Variants in MYOCD observed in about 807,000 individuals in gnomAD.
MYOCD encodes myocardin.
MYOCD carries 32 observed loss-of-function variants against 96.1 expected under a neutral mutation model. The observed-to-expected ratio is 0.33, with a 90% confidence interval of 0.25 to 0.45. The LOEUF (loss-of-function observed/expected upper bound fraction) is 0.45. MYOCD is among the 20% of genes least tolerant of loss of function. The pLI is 1.00. For missense variants in MYOCD, 1,133 were observed against 1,200.6 expected, an observed-to-expected ratio of 0.94 and a Z score of 0.83; for synonymous variants, 469 against 469.0, an observed-to-expected ratio of 1.00 and a Z score of 0.00.
chr17:12,733,860 C>T (rs944326768), intron 5 of MYOCD, among the ~76,000 whole-genome samples: 47 of 130,060 alleles, frequency 3.6e-4, no homozygotes, highest in African/African-American at 1.4e-3. Context: ...AGCAAGACTC[C>T]GTCTCAAAAA....
At chr17:12,736,644 CAGTG>C (rs1303008408) in intron 6 of MYOCD, among the ~76,000 whole-genome samples, 2 of 152,180 alleles carry the variant, frequency 1.3e-5, no homozygotes, top group Non-Finnish European at 2.9e-5. Context: ...AGCTAAGACT[CAGTG>C]AGATTGGATG....
chr17:12,760,527 A>G, intron 12 of MYOCD, 123 bp from the exon 13 acceptor site: 1 of 759,322 alleles, frequency 1.3e-6, no homozygotes, highest in Non-Finnish European at 2.3e-6. Flanking sequence ...ATTTTGCCAC[A>G]ATTGGAAAAA....
intron 4 of MYOCD, among the ~76,000 whole-genome samples, chr17:12,719,001 C>T (rs1287592466): frequency 2.6e-5 from 4 of 151,594 alleles, no homozygotes; most frequent in Admixed American, 6.6e-5. Context: ...CCGTGAAACC[C>T]CATCTCTACT....
chr17:12,739,726 G>A (rs1007221832), intron 7 of MYOCD, among the ~76,000 whole-genome samples: 3 of 152,174 alleles, frequency 2.0e-5, no homozygotes, highest in Non-Finnish European at 4.4e-5. Context: ...CTTGCATAAC[G>A]TAAAACTTAC....
At chr17:12,669,719 C>T (rs1014017927) in intron 1 of MYOCD, among the ~76,000 whole-genome samples, 8 of 151,956 alleles carry the variant, frequency 5.3e-5, no homozygotes, top group African/African-American at 1.2e-4. Flanking sequence ...CTGGGGTTCA[C>T]GCCATTCTCC....
intron 5 of MYOCD, among the ~76,000 whole-genome samples, chr17:12,733,510 T>C (rs185318954): frequency 6.6e-6 from 1 of 152,296 alleles, no homozygotes; most frequent in Admixed American, 6.5e-5. Flanking sequence ...GCTGATACTG[T>C]GGTCCTAGTT....
At chr17:12,676,245 G>GCACACACA (rs36211306) in intron 1 of MYOCD, among the ~76,000 whole-genome samples, 59 of 145,672 alleles carry the variant, frequency 4.1e-4, no homozygotes, top group African/African-American at 1.5e-3. Flanking sequence ...GCGCGCGCAC[G>GCACACACA]CACACACACA....
intron 1 of MYOCD, among the ~76,000 whole-genome samples, chr17:12,698,803 C>T (rs528860007): frequency 7.3e-4 from 85 of 116,616 alleles, no homozygotes; most frequent in Non-Finnish European, 9.0e-4. Flanking sequence ...AGTGCAGTGG[C>T]GTGATCTCAG....
chr17:12,689,358 T>C (rs2030325690), intron 1 of MYOCD, among the ~76,000 whole-genome samples: 1 of 152,186 alleles, frequency 6.6e-6, no homozygotes, highest in Non-Finnish European at 1.5e-5. Context: ...TCCCACACCC[T>C]ATAAAGTATA....
At chr17:12,735,057 G>A (rs1383862039) in intron 5 of MYOCD, among the ~76,000 whole-genome samples, 1 of 152,142 alleles carries the variant, frequency 6.6e-6, no homozygotes, top group Non-Finnish European at 1.5e-5. Context: ...TGCCAGCAGT[G>A]GTGGCGATGA....
chr17:12,766,897 A>G lies in MYOCD; in HGVS notation c.*3253A>G, dbSNP rs1224053380. 6.6e-6 allele frequency: 1 copy of G among 151,992 alleles called. No individual in the cohort carries two copies. Among genetic ancestry groups the G allele is most frequent in the Non-Finnish European group, 1.5e-5 (1 of 68,012 alleles). The allele number at this position is 151,992 out of a possible 1,614,324, so 9.4% of individuals were successfully genotyped here. A position where few individuals can be genotyped will look rare whatever the true frequency, so the allele number is the denominator to read the frequency against. ...AGGAAGCCAGTGCTTATTAGTAGTG[A>G]CCCTGCTTCTATCAACGTTATTGAG... On this transcript the variant is annotated 3_prime_UTR_variant, in exon 14 of 14. Transcript: ENST00000425538.
intron 1 of MYOCD, among the ~76,000 whole-genome samples, chr17:12,674,032 G>C (rs1909869180): frequency 6.6e-6 from 1 of 152,186 alleles, no homozygotes; most frequent in Non-Finnish European, 1.5e-5. Flanking sequence ...TCATCAAAAG[G>C]GAAGAGAAGA....
chr17:12,696,169 G>A (rs1234331155), intron 1 of MYOCD, among the ~76,000 whole-genome samples: 4 of 151,844 alleles, frequency 2.6e-5, no homozygotes, highest in Admixed American at 6.6e-5. Context: ...TAGTAGAGAC[G>A]GGGTTTCACC....
chr17:12,700,477 G>A (rs190952432), intron 1 of MYOCD, among the ~76,000 whole-genome samples: 79 of 136,960 alleles, frequency 5.8e-4, no homozygotes, highest in African/African-American at 2.1e-3. Context: ...GCAGTGGCGC[G>A]ATCTCAGCTT....
At chr17:12,724,294 A>G (rs142657914) in intron 5 of MYOCD, among the ~76,000 whole-genome samples, 1 of 152,310 alleles carries the variant, frequency 6.6e-6, no homozygotes, top group East Asian at 1.9e-4. Context: ...CATGATAGGA[A>G]AAAGGTCTCC....
At chr17:12,727,085 G>T (rs905933541) in intron 5 of MYOCD, among the ~76,000 whole-genome samples, 2 of 152,260 alleles carry the variant, frequency 1.3e-5, no homozygotes, top group East Asian at 3.9e-4. Flanking sequence ...TAGTTGCGGG[G>T]AATTAGGATG....
chr17:12,697,355 A>T (rs1458757526), intron 1 of MYOCD, among the ~76,000 whole-genome samples: 88 of 86,010 alleles, frequency 1.0e-3, no homozygotes, highest in African/African-American at 5.1e-3. Flanking sequence ...ATATATATAT[A>T]TATATTTTTT....
At chr17:12,758,295 G>T in intron 12 of MYOCD, 82 bp downstream of exon 12, 1 of 1,591,066 alleles carries the variant, frequency 6.3e-7, no homozygotes, top group Non-Finnish European at 8.6e-7. Context: ...ACTTCACGCA[G>T]TTTGTAAATT....
In MYOCD at chr17:12,758,168, T is replaced by G; in HGVS notation, c.2286T>G (p.Ile762Met). 1 of 1,614,156 alleles carries G rather than the reference T, an allele frequency of 6.2e-7. No homozygotes were observed. The highest frequency in any genetic ancestry group is 8.5e-7 in the Non-Finnish European group (1 of 1,180,032). Residue 762 changes from isoleucine (I) to methionine (M), a missense_variant, in exon 12 of 14, where the codon ATT becomes ATG. Physicochemically the swap from Ile to Met is conservative, Grantham distance 10 (BLOSUM62 1). Transcript: ENST00000425538. ...CTTTTTCTAAGTCAAGTTCAGCAAT[T>G]TCAGAGGTAACACAGCCTCCATCCT... is the stretch of plus-strand genomic sequence containing the variant. ...SPTFSKSSSA[I>M]SEVTQPPSYE... is the part of the protein sequence containing the mutation.
Sources: allele counts gnomAD v4.1 joint callset (sites outside exome capture counted in the v4.1 genomes callset), GRCh38; gene constraint gnomAD v4.1.1; transcripts MANE v1.5; gene names NCBI Gene and HGNC (gene_info 2026-07-23, HGNC 2026-07-21).